Variants in ITGA8 observed in about 807,000 individuals in gnomAD.
ITGA8 encodes integrin alpha-8.
A neutral mutation model predicts 142.3 loss-of-function variants in ITGA8; 91 were observed. The observed-to-expected ratio is 0.64, with a 90% confidence interval of 0.54 to 0.76. The LOEUF is 0.76. Ranked by LOEUF, ITGA8 falls within the 30% of genes least tolerant of loss-of-function variation. ITGA8 has a pLI of 0.00. For synonymous variants in ITGA8, 505 were observed against 485.2 expected (o/e 1.04, Z -0.54); for missense variants, 1,406 against 1,327.7 (o/e 1.06, Z -0.92).
intron 6 of ITGA8, among the ~76,000 whole-genome samples, chr10:15,673,338 C>T (rs1446642518): frequency 6.6e-6 from 1 of 152,128 alleles, no homozygotes; most frequent in Admixed American, 6.6e-5. Context: ...TTGCCTCGGC[C>T]TCCCAAAGTG....
At chr10:15,705,813 ATTGG>A (rs1835247393) in intron 2 of ITGA8, among the ~76,000 whole-genome samples, 1 of 152,122 alleles carries the variant, frequency 6.6e-6, no homozygotes, top group African/African-American at 2.4e-5. Flanking sequence ...GACTTTCTTT[ATTGG>A]CTTCATGGCT....
At chr10:15,697,856 C>T (rs1835086423) in intron 2 of ITGA8, among the ~76,000 whole-genome samples, 2 of 152,102 alleles carry the variant, frequency 1.3e-5, no homozygotes, top group South Asian at 2.1e-4. Flanking sequence ...ATAGAGTAGT[C>T]TTTGGTGCAG....
rs147653542 is a variant in ITGA8, at chr10:15,616,596, C to A, written c.1400-37G>T. The A allele has an allele frequency of 3.1e-3, 4,909 of 1,572,184 alleles. 7 individuals carry two copies. Among genetic ancestry groups the A allele is most frequent in the Non-Finnish European group, 4.0e-3 (4,527 of 1,143,992 alleles). On this transcript the variant is annotated intron_variant, in intron 13 of 29. Transcript: ENST00000378076. Reference sequence around the variant, plus strand: ...AAAAACACAGAACACATGCGTGAATCGTATAGAAACAATTTACTAAGTTCA... The same window carrying A: ...AAAAACACAGAACACATGCGTGAATAGTATAGAAACAATTTACTAAGTTCA...
At chr10:15,536,608 T>C (rs890455585) in intron 27 of ITGA8, among the ~76,000 whole-genome samples, 1 of 152,222 alleles carries the variant, frequency 6.6e-6, no homozygotes, top group African/African-American at 2.4e-5. Flanking sequence ...CACTGCCACA[T>C]TGTAGGCAAT....
chr10:15,716,346 T>C (rs866660073), intron 2 of ITGA8, among the ~76,000 whole-genome samples: 1 of 152,208 alleles, frequency 6.6e-6, no homozygotes, highest in African/African-American at 2.4e-5. Flanking sequence ...AAATAAGACA[T>C]AGTGTGGAAT....
chr10:15,666,683 G>A (rs986246893), intron 8 of ITGA8, among the ~76,000 whole-genome samples: 2 of 152,074 alleles, frequency 1.3e-5, no homozygotes, highest in Non-Finnish European at 2.9e-5. Context: ...ATTATTTTGA[G>A]ATATGTCCCA....
chr10:15,695,921 A>G (rs1378460336), intron 2 of ITGA8, among the ~76,000 whole-genome samples: 2 of 152,192 alleles, frequency 1.3e-5, no homozygotes, highest in Admixed American at 1.3e-4. Flanking sequence ...GTGATCCCTG[A>G]ACTTCCAAAT....
rs369178065 is a variant in ITGA8 at position 15,531,096 on chromosome 10, A to G, written c.2936T>C (p.Met979Thr). The change falls in exon 28 of 30, where the codon ATG (methionine) becomes ACG (threonine). Residue 979 changes from methionine to threonine, a missense_variant. By Grantham distance (81) the Met-to-Thr change is moderately conservative (BLOSUM62 -1). Coordinates refer to ENST00000378076, the MANE Select transcript of ITGA8 (RefSeq NM_003638.3). Reference protein sequence around the residue: ...ASLVSFEVKKMPYTDQPAKLP... With the variant: ...ASLVSFEVKKTPYTDQPAKLP... ...TTTTGCTGGCTGATCTGTATAAGGC[A>G]TCTTCTTAACTTCAAAGGACACCAG... 2.5e-6 allele frequency: 4 copies of G among 1,583,606 alleles called. No homozygotes were observed. The African/African-American group carries it at 4.1e-5, about 16-fold the overall frequency.
chr10:15,697,177 A>G (rs1835069694), intron 2 of ITGA8, among the ~76,000 whole-genome samples: 1 of 152,182 alleles, frequency 6.6e-6, no homozygotes, highest in Non-Finnish European at 1.5e-5. Flanking sequence ...AAGATAGACT[A>G]AGATTCAACT....
chr10:15,706,593 C>T (rs1219435442), intron 2 of ITGA8, among the ~76,000 whole-genome samples: 1 of 152,064 alleles, frequency 6.6e-6, no homozygotes, highest in Admixed American at 6.6e-5. Context: ...GTGCACACTA[C>T]TGCACCTGCT....
At chr10:15,654,610 T>A (rs528382667) in intron 11 of ITGA8, among the ~76,000 whole-genome samples, 1 of 152,348 alleles carries the variant, frequency 6.6e-6, no homozygotes, top group African/African-American at 2.4e-5. Context: ...AAAGTAAGTA[T>A]TCTTCAGATA....
chr10:15,591,344 T>C (rs1053176880), intron 22 of ITGA8, among the ~76,000 whole-genome samples: 2 of 150,722 alleles, frequency 1.3e-5, no homozygotes, highest in African/African-American at 4.9e-5. Flanking sequence ...TACATCTCAC[T>C]AGACATCTTA....
intron 14 of ITGA8, 80 bp from the exon 15 acceptor site, chr10:15,613,847 G>T: frequency 2.2e-6 from 2 of 917,538 alleles, no homozygotes; most frequent in South Asian, 1.4e-5. Flanking sequence ...ACTGCATACT[G>T]AACTCAGTAG....
chr10:15,571,485 T>C (rs918354300), intron 25 of ITGA8, among the ~76,000 whole-genome samples: 1 of 152,388 alleles, frequency 6.6e-6, no homozygotes. Context: ...TGCTAATTAA[T>C]TTCTTTCTTT....
chr10:15,559,930 G>A (rs867338921), intron 25 of ITGA8, among the ~76,000 whole-genome samples: 4 of 152,088 alleles, frequency 2.6e-5, no homozygotes, highest in Non-Finnish European at 4.4e-5. Context: ...CATGGCACAT[G>A]TTTACCTATG....
chr10:15,605,731 C>A lies in ITGA8; in HGVS notation c.1963G>T (p.Ala655Ser), dbSNP rs1159568860. Residue 655 changes from alanine to serine, a missense_variant, in exon 19 of 30, where the codon GCT becomes TCT. Ala to Ser is a moderately conservative substitution (Grantham distance 99). Transcript: ENST00000378076. ...NLCVPDLKLS[A>S]RPDKHQVIIG... ...TTAGTTATTTAAACTTACGGTCTAG[C>A]CGACAGCTTCAAGTCAGGAACACAC... is the stretch of plus-strand genomic sequence containing the variant. 1 of 1,612,806 alleles carries A rather than the reference C, an allele frequency of 6.2e-7. No homozygotes were observed. The highest frequency in any genetic ancestry group is 1.7e-5 in the Admixed American group (1 of 59,988).
intron 27 of ITGA8, among the ~76,000 whole-genome samples, chr10:15,537,436 C>T (rs1386190390): frequency 6.6e-6 from 1 of 152,178 alleles, no homozygotes. Context: ...GATGCTTTTC[C>T]CTAGGACTTC....
chr10:15,526,058 C>A (rs569623915), intron 28 of ITGA8, among the ~76,000 whole-genome samples: 3 of 152,298 alleles, frequency 2.0e-5, no homozygotes, highest in Admixed American at 2.0e-4. Flanking sequence ...AATAAAACCA[C>A]AAGTTCTTCA....
At chr10:15,713,553 T>G (rs763662415) in intron 2 of ITGA8, among the ~76,000 whole-genome samples, 5 of 152,220 alleles carry the variant, frequency 3.3e-5, no homozygotes, top group Non-Finnish European at 7.3e-5. Flanking sequence ...TTCTTTTCTT[T>G]GTTCCTGAAC....
Sources: gnomAD v4.1 joint callset for allele counts (sites outside exome capture counted in the v4.1 genomes callset) on GRCh38, gnomAD v4.1.1 for gene constraint, MANE v1.5 for transcripts, NCBI Gene and HGNC (gene_info 2026-07-23, HGNC 2026-07-21) for gene names.